GGNBP2: variants seen among roughly 807,000 people sequenced by gnomAD.
GGNBP2 encodes the protein gametogenetin-binding protein 2.
Under a neutral mutation model 85.9 loss-of-function variants are expected in GGNBP2, and 10 were observed. That is an observed-to-expected ratio of 0.12 (90% CI 0.07 to 0.20). GGNBP2 has a LOEUF of 0.20. GGNBP2 is among the 10% of genes least tolerant of loss of function. GGNBP2 has a pLI of 1.00. For synonymous variants in GGNBP2, 287 were observed against 285.7 expected (o/e 1.00, Z -0.05); for missense variants, 595 against 857.8 (o/e 0.69, Z 3.83).
rs1448504756 is a variant in GGNBP2, at chr17:36,579,056, C to T, written c.846-189C>T. On this transcript the variant is annotated intron_variant, in intron 7 of 13. Transcript: ENST00000613102. ...TTAGCAATACGAGGACTAAATTCTACTTGCATGTGTATTTCTCATTGGTTG... is the reference window on the plus strand; with the variant it reads ...TTAGCAATACGAGGACTAAATTCTATTTGCATGTGTATTTCTCATTGGTTG... 7.3e-6 allele frequency: 4 copies of T among 548,810 alleles called. No homozygotes were observed. In the East Asian group the frequency reaches 1.2e-4, roughly 16 times the overall value. 34.0% of individuals were successfully genotyped at this position (548,810 alleles called of 1,614,324 possible).
At chr17:36,573,713 G>A (rs978044835) in intron 6 of GGNBP2, among the ~76,000 whole-genome samples, 2 of 152,036 alleles carry the variant, frequency 1.3e-5, no homozygotes, top group African/African-American at 2.4e-5. Flanking sequence ...TTTTGATAGT[G>A]GTCATTCTAG....
At position 36,589,482 on chromosome 17, in the gene GGNBP2, CTTAAT is replaced by C; in HGVS notation, c.*75_*79del. The C allele has an allele frequency of 1.6e-6, 2 of 1,264,928 alleles. No individual in the cohort carries two copies. The highest frequency in any genetic ancestry group is 2.2e-6 in the Non-Finnish European group (2 of 890,154). The allele number at this position is 1,264,928 out of a possible 1,614,324, so 78.4% of individuals were successfully genotyped here. A position where few individuals can be genotyped will look rare whatever the true frequency, so the allele number is the denominator to read the frequency against. On this transcript the variant is annotated 3_prime_UTR_variant, in exon 14 of 14. Coordinates refer to ENST00000613102, the MANE Select transcript of GGNBP2 (RefSeq NM_024835.5). ...ACTGCGCCTTCTCTTTCGAAAAACT[CTTAAT>C]TTAGTGACTTATGGCAAAATTTTAT...
chr17:36,568,210 C>A (rs2074487508), intron 6 of GGNBP2, among the ~76,000 whole-genome samples: 1 of 151,046 alleles, frequency 6.6e-6, no homozygotes, highest in South Asian at 2.1e-4. Context: ...AGGCATGAGC[C>A]ACTGCGCTTG....
chr17:36,581,506 ACAG>A lies in GGNBP2; in HGVS notation c.1187_1189del (p.Ala396del), dbSNP rs1217990641. The A allele has an allele frequency of 6.2e-6, 10 of 1,609,844 alleles. No homozygotes were observed. The highest frequency in any genetic ancestry group is 7.6e-6 in the Non-Finnish European group (9 of 1,178,676). On this transcript the variant is annotated inframe_deletion, in exon 9 of 14. Coordinates refer to ENST00000613102, the MANE Select transcript of GGNBP2 (RefSeq NM_024835.5). The stretch of plus-strand genomic sequence containing the variant: ...GTGTGATATTCCTACTCCCTTACAA[ACAG>A]CAGATGAAAAGGAAGTAAGCCAAGA...
chr17:36,574,715 A>G, intron 6 of GGNBP2: 1 of 634,098 alleles, frequency 1.6e-6, no homozygotes. Flanking sequence ...CTTCTTGGGT[A>G]CAGGCACTGA....
At chr17:36,568,896 C>T (rs541805851) in intron 6 of GGNBP2, among the ~76,000 whole-genome samples, 1 of 152,114 alleles carries the variant, frequency 6.6e-6, no homozygotes, top group African/African-American at 2.4e-5. Context: ...GCTGGGATTA[C>T]AGGCACATAC....
At chr17:36,569,922 C>G (rs1377821468) in intron 6 of GGNBP2, among the ~76,000 whole-genome samples, 2 of 152,090 alleles carry the variant, frequency 1.3e-5, no homozygotes, top group African/African-American at 2.4e-5. Context: ...GGATTTTAGT[C>G]CATTTTACAG....
chr17:36,575,398 A>G, intron 6 of GGNBP2: 1 of 272,438 alleles, frequency 3.7e-6, no homozygotes, highest in Non-Finnish European at 7.2e-6. Context: ...ATAGCCAGGA[A>G]ATCATCACTT....
intron 13 of GGNBP2, 64 bp downstream of exon 13, chr17:36,587,309 A>C: frequency 6.4e-7 from 1 of 1,550,960 alleles, no homozygotes; most frequent in Non-Finnish European, 8.9e-7. Context: ...GTGGGAGGGG[A>C]TAGTATTTGA....
chr17:36,558,613 G>A (rs903067334), intron 4 of GGNBP2, among the ~76,000 whole-genome samples: 7 of 150,994 alleles, frequency 4.6e-5, no homozygotes, highest in Non-Finnish European at 5.9e-5. Flanking sequence ...CCACTACCAC[G>A]CTTGACTTTT....
chr17:36,575,646 A>ATTT (rs1360835058), intron 6 of GGNBP2, among the ~76,000 whole-genome samples: 126 of 54,586 alleles, frequency 2.3e-3, no homozygotes, highest in Non-Finnish European at 2.8e-3. Context: ...ATATATATAT[A>ATTT]TATTTTTTTT....
Position 36,579,350 on chromosome 17 carries a change from A to C in GGNBP2, c.951A>C (p.Leu317=). 2.5e-6 allele frequency: 4 copies of C among 1,614,190 alleles called. No individual in the cohort carries two copies. The highest frequency in any genetic ancestry group is 3.4e-6 in the Non-Finnish European group (4 of 1,179,998). ...YERLHRIWQK[L]RAEEQTWQML... ...GACTGCATCGAATCTGGCAGAAGCT[A>C]CGGGCAGAAGAGCAGACATGGCAGA... The change falls in exon 8 of 14, where the codon CTA becomes CTC. Residue 317 remains leucine, a synonymous_variant. Coordinates refer to ENST00000613102, the MANE Select transcript of GGNBP2 (RefSeq NM_024835.5).
chr17:36,551,856 G>T (rs566124695), intron 2 of GGNBP2, among the ~76,000 whole-genome samples: 1 of 151,984 alleles, frequency 6.6e-6, no homozygotes, highest in Admixed American at 6.6e-5. Context: ...AAATCAGCTC[G>T]CAGGTCTCAG....
chr17:36,560,263 C>G (rs2142717257), intron 4 of GGNBP2, among the ~76,000 whole-genome samples: 1 of 152,208 alleles, frequency 6.6e-6, no homozygotes, highest in Admixed American at 6.5e-5. Flanking sequence ...AGGCCTGATT[C>G]TAGATAATAT....
chr17:36,556,730 A>G (rs2074365035), intron 3 of GGNBP2, among the ~76,000 whole-genome samples: 2 of 151,528 alleles, frequency 1.3e-5, no homozygotes, highest in Non-Finnish European at 2.9e-5. Context: ...AAACTTAAAA[A>G]AAAGGTACAG....
chr17:36,559,854 T>C (rs2074400100), intron 4 of GGNBP2, among the ~76,000 whole-genome samples: 2 of 152,138 alleles, frequency 1.3e-5, no homozygotes. Context: ...TTAATTTTTT[T>C]GAGACAAAGT....
chr17:36,549,883 A>G (rs541144985), intron 2 of GGNBP2, among the ~76,000 whole-genome samples: 1 of 152,236 alleles, frequency 6.6e-6, no homozygotes, highest in South Asian at 2.1e-4. Context: ...GGTTGGATCA[A>G]AGGATAAGAA....
intron 13 of GGNBP2, among the ~76,000 whole-genome samples, chr17:36,587,899 G>GT (rs147070004): frequency 0.021 from 3,149 of 152,090 alleles, 95 homozygotes; most frequent in East Asian, 0.093. Context: ...AAAAACCTGA[G>GT]TAGAACCATT....
intron 6 of GGNBP2, chr17:36,574,638 T>TA: frequency 1.7e-6 from 1 of 583,448 alleles, no homozygotes; most frequent in Non-Finnish European, 3.0e-6. Flanking sequence ...TTGGTATAGT[T>TA]ACCCAGGGCG....
Sources: allele counts gnomAD v4.1 joint callset (sites outside exome capture counted in the v4.1 genomes callset), GRCh38; gene constraint gnomAD v4.1.1; transcripts MANE v1.5; gene names NCBI Gene and HGNC (gene_info 2026-07-23, HGNC 2026-07-21).